Variants in FLRT2 observed in about 807,000 individuals in gnomAD.
FLRT2 encodes the protein fibronectin leucine rich transmembrane protein 2, also known as leucine-rich repeat transmembrane protein FLRT2.
FLRT2 carries 15 observed loss-of-function variants against 40.0 expected under a neutral mutation model. That is an observed-to-expected ratio of 0.38 (90% confidence interval 0.25 to 0.58). The LOEUF is 0.58. Ranked by LOEUF, FLRT2 falls within the 20% of genes least tolerant of loss-of-function variation. The pLI is 0.71. For missense variants in FLRT2, 726 were observed against 840.0 expected (o/e 0.86, Z 1.68); for synonymous variants, 380 against 336.8 (o/e 1.13, Z -1.41).
Position 85,579,145 on chromosome 14 carries a change from G to A in FLRT2, c.-376-41994G>A, listed in dbSNP as rs555008987. Among the ~76,000 whole-genome samples, 7 of 152,196 alleles carry A rather than the reference G, an allele frequency of 4.6e-5. No homozygotes were observed. In the East Asian group the frequency reaches 9.7e-4, roughly 21 times the overall value. Reference sequence around the variant, plus strand: ...TTGGACTTTTGTTTCTCCTTCCCCCGGGAGCTGCCTTTGAAGTCAGTGGGA... The same window carrying A: ...TTGGACTTTTGTTTCTCCTTCCCCCAGGAGCTGCCTTTGAAGTCAGTGGGA... On this transcript the variant is annotated intron_variant, in intron 1 of 1. Transcript: ENST00000330753.
In FLRT2 at chr14:85,562,158, G is replaced by C. The variant is rs189503266; in HGVS notation, c.-377+31624G>C. ...GAGTAAAACCTTGGACTAAATGCAG[G>C]CATCTGAGAAAGTAAGTAACAATGC... On this transcript the variant is annotated intron_variant, in intron 1 of 1. Coordinates refer to ENST00000330753, the MANE Select transcript of FLRT2 (RefSeq NM_013231.6). Among the ~76,000 whole-genome samples the C allele has an allele frequency of 5.6e-4, 86 of 152,310 alleles. 1 individual carries two copies. Among genetic ancestry groups the C allele is most frequent in the African/African-American group, 1.9e-3 (79 of 41,562 alleles).
chr14:85,605,135 T>C (rs1174941075), intron 1 of FLRT2, among the ~76,000 whole-genome samples: 2 of 152,198 alleles, frequency 1.3e-5, no homozygotes, highest in African/African-American at 4.8e-5. Context: ...GCTAATTTGA[T>C]TAAAACCTAC....
intron 1 of FLRT2, among the ~76,000 whole-genome samples, chr14:85,563,475 G>A (rs928467875): frequency 6.6e-6 from 1 of 152,194 alleles, no homozygotes; most frequent in African/African-American, 2.4e-5. Context: ...TGGCTGGGGA[G>A]GCCTCAGGAA....
chr14:85,609,883 G>A (rs948356112), intron 1 of FLRT2, among the ~76,000 whole-genome samples: 1 of 152,194 alleles, frequency 6.6e-6, no homozygotes, highest in Non-Finnish European at 1.5e-5. Flanking sequence ...ATTATCGGAG[G>A]TTGTTTGCCA....
At chr14:85,593,190 T>C (rs1386695017) in intron 1 of FLRT2, among the ~76,000 whole-genome samples, 1 of 152,336 alleles carries the variant, frequency 6.6e-6, no homozygotes, top group East Asian at 1.9e-4. Flanking sequence ...TTTTGCTAGA[T>C]GTTTATATAA....
At position 85,645,561 on chromosome 14, in the gene FLRT2, C is replaced by A. The variant is rs542281824; in HGVS notation, c.*22064C>A. 1 of 152,220 alleles carries A rather than the reference C, an allele frequency of 6.6e-6. No individual in the cohort carries two copies. The highest frequency in any genetic ancestry group is 1.9e-4 in the East Asian group (1 of 5,164). 9.4% of individuals were successfully genotyped at this position (152,220 alleles called of 1,614,324 possible). A position where few individuals can be genotyped will look rare whatever the true frequency, so the allele number is the denominator to read the frequency against. On this transcript the variant is annotated 3_prime_UTR_variant, in exon 2 of 2. Transcript: ENST00000330753. ...CACTAAGCATGGATACAATTTGGAT[C>A]ATTGGTAATAAGGAGACTTAGGGAA...
At chr14:85,609,660 C>T (rs1303792418) in intron 1 of FLRT2, among the ~76,000 whole-genome samples, 1 of 152,162 alleles carries the variant, frequency 6.6e-6, no homozygotes, top group African/African-American at 2.4e-5. Context: ...TCAGGAAGAA[C>T]CAGAGCATGA....
chr14:85,535,903 T>G lies in FLRT2; in HGVS notation c.-377+5369T>G, dbSNP rs1027541400. Among the ~76,000 whole-genome samples, 193 of 76,354 alleles carry G rather than the reference T, an allele frequency of 2.5e-3. 1 individual carries two copies. The highest frequency in any genetic ancestry group is 0.01 in the African/African-American group (164 of 16,304). The allele number at this position is 76,354 out of a possible 152,430, so 50.1% of individuals were successfully genotyped here. A position where few individuals can be genotyped will look rare whatever the true frequency, so the allele number is the denominator to read the frequency against. The stretch of plus-strand genomic sequence containing the variant: ...ATGGAAGGAATGCTGTTTTTTTTTT[T>G]TTTTTTTTTTTTTTTTTTGTTGTTG... On this transcript the variant is annotated intron_variant, in intron 1 of 1. Coordinates refer to ENST00000330753, the MANE Select transcript of FLRT2 (RefSeq NM_013231.6).
At chr14:85,586,276 A>T (rs1404750766) in intron 1 of FLRT2, among the ~76,000 whole-genome samples, 1 of 152,050 alleles carries the variant, frequency 6.6e-6, no homozygotes, top group Non-Finnish European at 1.5e-5. Flanking sequence ...TAACTTGTCC[A>T]TAAGTCACAC....
rs1893923403 is a variant in FLRT2, at chr14:85,633,131, T to C, written c.*9634T>C. ...GGGTAAGAATTACATGTAGAGATGA[T>C]CTATTTAAAGGTAATTAGCATTCAA... On this transcript the variant is annotated 3_prime_UTR_variant, in exon 2 of 2. Transcript: ENST00000330753. 6.6e-6 allele frequency: 1 copy of C among 152,206 alleles called. No individual in the cohort carries two copies. Among genetic ancestry groups the C allele is most frequent in the Non-Finnish European group, 1.5e-5 (1 of 68,032 alleles). 9.4% of individuals were successfully genotyped at this position (152,206 alleles called of 1,614,324 possible). A position where few individuals can be genotyped will look rare whatever the true frequency, so the allele number is the denominator to read the frequency against.
chr14:85,607,449 GATTCAAAGTCATTATTC>G (rs1892672264), intron 1 of FLRT2, among the ~76,000 whole-genome samples: 4 of 152,178 alleles, frequency 2.6e-5, no homozygotes, highest in Non-Finnish European at 5.9e-5. Flanking sequence ...TGTCATTGAA[GATTCAAAGTCATTATTC>G]ATTGAACAGA....
chr14:85,616,403 A>G (rs769786123), intron 1 of FLRT2, among the ~76,000 whole-genome samples: 1 of 152,062 alleles, frequency 6.6e-6, no homozygotes, highest in Non-Finnish European at 1.5e-5. Context: ...ATTTAGACTT[A>G]TAGGTGACAT....
chr14:85,575,231 G>T (rs1193015859), intron 1 of FLRT2, among the ~76,000 whole-genome samples: 3 of 152,156 alleles, frequency 2.0e-5, no homozygotes, highest in Non-Finnish European at 4.4e-5. Flanking sequence ...GCTGCTTCTG[G>T]GTGCTTTGGG....
In FLRT2 at chr14:85,630,464, G is replaced by A. The variant is rs1172670040; in HGVS notation, c.*6967G>A. 1 of 152,028 alleles carries A rather than the reference G, an allele frequency of 6.6e-6. No homozygotes were observed. Among genetic ancestry groups the A allele is most frequent in the Non-Finnish European group, 1.5e-5 (1 of 68,016 alleles). The allele number at this position is 152,028 out of a possible 1,614,324, so 9.4% of individuals were successfully genotyped here. ...CTTCTAAACTCCCTAGTTGGGATAG[G>A]ATGGGCCTTTGTTGGTTTAGTTTTG... On this transcript the variant is annotated 3_prime_UTR_variant, in exon 2 of 2. Transcript: ENST00000330753.
chr14:85,622,837 GCT>G lies in FLRT2; in HGVS notation c.1332_1333del (p.Phe445HisfsTer29). The G allele has an allele frequency of 6.2e-7, 1 of 1,614,106 alleles. No individual in the cohort carries two copies. Among genetic ancestry groups the G allele is most frequent in the Non-Finnish European group, 8.5e-7 (1 of 1,180,032 alleles). ...ATGATACTTCCATTCAAGTCAGCTGGCTCTCTCTCTTCACCGTGATGGCATAC... is the reference window on the plus strand; with the variant it reads ...ATGATACTTCCATTCAAGTCAGCTGGCTCTCTCTTCACCGTGATGGCATAC... ...VNDTSIQVSW[L>X]SLFTVMAYKL... On this transcript the variant is annotated frameshift_variant, in exon 2 of 2. Transcript: ENST00000330753. LOFTEE classifies it high-confidence loss of function.
At chr14:85,567,521 T>A (rs1164735061) in intron 1 of FLRT2, among the ~76,000 whole-genome samples, 1 of 152,168 alleles carries the variant, frequency 6.6e-6, no homozygotes, top group Non-Finnish European at 1.5e-5. Flanking sequence ...CCTCAGTATC[T>A]TTCTGTACAA....
At chr14:85,563,814 A>T (rs185812027) in intron 1 of FLRT2, among the ~76,000 whole-genome samples, 457 of 152,286 alleles carry the variant, frequency 3.0e-3, no homozygotes, top group African/African-American at 0.011. Context: ...AAACAAAAAA[A>T]TAGATAAAGT....
At position 85,621,583 on chromosome 14, in the gene FLRT2, C is replaced by T. The variant is rs1446456346; in HGVS notation, c.69C>T (p.Ser23=). The change falls in exon 2 of 2, where the codon TCC becomes TCT. Residue 23 remains serine (S), a synonymous_variant. Coordinates refer to ENST00000330753, the MANE Select transcript of FLRT2 (RefSeq NM_013231.6). ...TCCTGAAGTCTTGGCTTATCATTTC[C>T]CTGGGGCTCTACTCACAGGTGTCCA... ...AFFLKSWLII[S]LGLYSQVSKL... 1 of 1,614,110 alleles carries T rather than the reference C, an allele frequency of 6.2e-7. No homozygotes were observed. The highest frequency in any genetic ancestry group is 1.6e-4 in the Middle Eastern group (1 of 6,062).
chr14:85,547,415 C>A (rs1363511516), intron 1 of FLRT2, among the ~76,000 whole-genome samples: 3 of 151,392 alleles, frequency 2.0e-5, no homozygotes, highest in Admixed American at 2.0e-4. Flanking sequence ...CCTCTGCCTT[C>A]CAGTTTCAAG....
Sources: gnomAD v4.1 joint callset for allele counts (sites outside exome capture counted in the v4.1 genomes callset) on GRCh38, gnomAD v4.1.1 for gene constraint, MANE v1.5 for transcripts, NCBI Gene and HGNC (gene_info 2026-07-23, HGNC 2026-07-21) for gene names.